The following FGF14 variants were observed in gnomAD, a reference collection of about 807,000 sequenced individuals.
FGF14 encodes fibroblast growth factor 14.
FGF14 carries 5 observed loss-of-function variants against 25.5 expected under a neutral mutation model. That is an observed-to-expected ratio of 0.20 (90% CI 0.10 to 0.41). The LOEUF (loss-of-function observed/expected upper bound fraction) is 0.41, where lower values mean the gene tolerates loss of function less well. Among genes scored for constraint, FGF14 ranks in the 10% least tolerant of loss-of-function variants. The pLI is 1.00. For synonymous variants in FGF14, 138 were observed against 118.3 expected, an observed-to-expected ratio of 1.17 and a Z score of -1.08; for missense variants, 222 against 320.1, an observed-to-expected ratio of 0.69 and a Z score of 2.34.
At chr13:101,751,944 C>A (rs1242002592) in intron 3 of FGF14, among the ~76,000 whole-genome samples, 2 of 151,500 alleles carry the variant, frequency 1.3e-5, no homozygotes, top group African/African-American at 2.4e-5. Flanking sequence ...AACAAACAAA[C>A]AAAAAAAACA....
At chr13:101,943,091 T>A (rs941364863) in intron 1 of FGF14, among the ~76,000 whole-genome samples, 2 of 152,158 alleles carry the variant, frequency 1.3e-5, no homozygotes, top group African/African-American at 4.8e-5. Flanking sequence ...ATTTTAGAGA[T>A]GAGGAAACTG....
intron 1 of FGF14, among the ~76,000 whole-genome samples, chr13:102,167,895 G>T (rs1468065909): frequency 2.6e-5 from 4 of 151,448 alleles, no homozygotes; most frequent in Non-Finnish European, 5.9e-5. Flanking sequence ...TTAGGTGATG[G>T]ATCAATAAAA....
chr13:102,037,110 C>T (rs1595071477), intron 1 of FGF14, among the ~76,000 whole-genome samples: 13 of 152,096 alleles, frequency 8.5e-5, no homozygotes, highest in Admixed American at 8.5e-4. Flanking sequence ...TAATTACTAT[C>T]ATGGATTAAA....
At chr13:102,338,294 G>T (rs1410682723) in intron 1 of FGF14, among the ~76,000 whole-genome samples, 1 of 152,214 alleles carries the variant, frequency 6.6e-6, no homozygotes, top group East Asian at 1.9e-4. Context: ...ATTGGAGGGT[G>T]ACAGTGAGAA....
chr13:101,741,138 C>T (rs1179568185), intron 3 of FGF14, among the ~76,000 whole-genome samples: 1 of 152,140 alleles, frequency 6.6e-6, no homozygotes, highest in Non-Finnish European at 1.5e-5. Context: ...GAGTTCAAGA[C>T]CAGCCTGACC....
chr13:101,881,166 G>T (rs947344459), intron 1 of FGF14, among the ~76,000 whole-genome samples: 24 of 152,234 alleles, frequency 1.6e-4, no homozygotes, highest in Middle Eastern at 3.4e-3. Context: ...GGAGTATCTT[G>T]GGATTCCTAG....
chr13:101,724,862 CTT>C (rs1326726098), intron 4 of FGF14, among the ~76,000 whole-genome samples: 2 of 151,378 alleles, frequency 1.3e-5, no homozygotes, highest in East Asian at 1.9e-4. Context: ...TTATTTCTCT[CTT>C]TCTCATATAT....
At chr13:102,058,119 C>T (rs2042517254) in intron 1 of FGF14, among the ~76,000 whole-genome samples, 1 of 152,192 alleles carries the variant, frequency 6.6e-6, no homozygotes, top group African/African-American at 2.4e-5. Context: ...TATAATCAAA[C>T]ATTGCTACAG....
chr13:101,998,502 GATC>G (rs1250813380), intron 1 of FGF14, among the ~76,000 whole-genome samples: 3 of 152,192 alleles, frequency 2.0e-5, no homozygotes, highest in Non-Finnish European at 2.9e-5. Flanking sequence ...AAAGAGGTAT[GATC>G]ATCTTAGATA....
intron 1 of FGF14, among the ~76,000 whole-genome samples, chr13:101,890,831 G>A (rs1254314573): frequency 6.6e-6 from 1 of 152,162 alleles, no homozygotes; most frequent in Non-Finnish European, 1.5e-5. Flanking sequence ...ATTGGGGGTG[G>A]AGGAGGAAAG....
intron 1 of FGF14, among the ~76,000 whole-genome samples, chr13:102,237,607 CA>C (rs2051392433): frequency 7.0e-6 from 1 of 141,940 alleles, no homozygotes; most frequent in Non-Finnish European, 1.5e-5. Flanking sequence ...AAAAGAATTA[CA>C]AACCTGGTTC....
intron 1 of FGF14, among the ~76,000 whole-genome samples, chr13:102,084,200 C>T (rs912293309): frequency 2.6e-5 from 4 of 152,168 alleles, no homozygotes; most frequent in African/African-American, 7.2e-5. Flanking sequence ...AATGGAACTT[C>T]CCACACATTT....
chr13:102,257,368 T>TC (rs1555388499), intron 1 of FGF14, among the ~76,000 whole-genome samples: 5 of 144,640 alleles, frequency 3.5e-5, no homozygotes, highest in African/African-American at 7.7e-5. Context: ...TTTTTTTTTT[T>TC]CGAGACGGAG....
chr13:102,087,454 C>T (rs552966089), intron 1 of FGF14, among the ~76,000 whole-genome samples: 124 of 130,846 alleles, frequency 9.5e-4, no homozygotes, highest in African/African-American at 3.3e-3. Flanking sequence ...CTCTGTCACC[C>T]AGGCTGGAGT....
intron 1 of FGF14, among the ~76,000 whole-genome samples, chr13:102,275,234 T>TTCTCTTTCTCTCTC (rs1249330049): frequency 1.8e-4 from 12 of 67,486 alleles, no homozygotes; most frequent in African/African-American, 7.7e-4. Context: ...TTAGGCAGAT[T>TTCTCTTTCTCTCTC]TCTCTCTCTC....
chr13:102,319,838 T>G (rs576832928), intron 1 of FGF14, among the ~76,000 whole-genome samples: 1 of 152,174 alleles, frequency 6.6e-6, no homozygotes, highest in African/African-American at 2.4e-5. Flanking sequence ...AGAGATGATA[T>G]AGACATAGAT....
chr13:101,732,074 C>G (rs565728696), intron 3 of FGF14, among the ~76,000 whole-genome samples: 1 of 152,248 alleles, frequency 6.6e-6, no homozygotes, highest in African/African-American at 2.4e-5. Flanking sequence ...CCAAGTTAAA[C>G]TTGGATTGCA....
chr13:102,057,096 A>G (rs1424590070), intron 1 of FGF14, among the ~76,000 whole-genome samples: 1 of 151,970 alleles, frequency 6.6e-6, no homozygotes, highest in African/African-American at 2.4e-5. Context: ...TTAATTAGTG[A>G]TTTTGCTAAA....
At chr13:101,877,197 T>C (rs2045448749) in intron 1 of FGF14, among the ~76,000 whole-genome samples, 1 of 152,174 alleles carries the variant, frequency 6.6e-6, no homozygotes, top group African/African-American at 2.4e-5. Context: ...TTTGGGATTA[T>C]GCCTCATTTT....
Sources: allele counts gnomAD v4.1 joint callset (sites outside exome capture counted in the v4.1 genomes callset), GRCh38; gene constraint gnomAD v4.1.1; transcripts MANE v1.5; gene names NCBI Gene and HGNC (gene_info 2026-07-23, HGNC 2026-07-21).